DHRSX: variants seen among roughly 807,000 people sequenced by gnomAD.
The protein encoded by DHRSX is dehydrogenase/reductase X-linked.
Under a neutral mutation model 34.0 loss-of-function variants are expected in DHRSX, and 31 were observed. The ratio of observed to expected loss-of-function variants is 0.91; its 90% CI spans 0.69 to 1.23. The LOEUF (loss-of-function observed/expected upper bound fraction) is 1.23. DHRSX is among the 50% of genes most tolerant of loss of function. The pLI is 0.00. For synonymous variants in DHRSX, 201 were observed against 183.8 expected, an observed-to-expected ratio of 1.09 and a Z score of -0.76; for missense variants, 414 against 428.1, an observed-to-expected ratio of 0.97 and a Z score of 0.29.
At chrX:2,254,953 C>A (rs919927097) in intron 5 of DHRSX, among the ~76,000 whole-genome samples, 1 of 145,576 alleles carries the variant, frequency 6.9e-6, no homozygotes, top group African/African-American at 2.6e-5. Context: ...CACGCCCCCC[C>A]CCTTTTTTTT....
chrX:2,236,812 G>A (rs2016026082), intron 6 of DHRSX, among the ~76,000 whole-genome samples: 1 of 151,884 alleles, frequency 6.6e-6, no homozygotes, highest in Admixed American at 6.6e-5. Context: ...TGCTGCAGCG[G>A]AGACTGTAGT....
chrX:2,282,880 A>AGAGG (rs2041744390), intron 4 of DHRSX, among the ~76,000 whole-genome samples: 1 of 131,224 alleles, frequency 7.6e-6, no homozygotes, highest in African/African-American at 3.1e-5. Flanking sequence ...AGGGGGAGAG[A>AGAGG]GGGAGGGAGG....
intron 3 of DHRSX, among the ~76,000 whole-genome samples, chrX:2,338,208 C>T (rs190949398): frequency 4.8e-4 from 73 of 151,804 alleles, no homozygotes; most frequent in African/African-American, 1.5e-3. Context: ...TGGTGCGCGC[C>T]TGTAATCCCA....
chrX:2,353,163 T>A (rs1205877929), intron 3 of DHRSX, among the ~76,000 whole-genome samples: 1 of 152,164 alleles, frequency 6.6e-6, no homozygotes. Context: ...GAAGATTGCT[T>A]GAGCCCGGAG....
intron 5 of DHRSX, among the ~76,000 whole-genome samples, chrX:2,245,985 A>C (rs1602789304): frequency 1.3e-5 from 2 of 148,326 alleles, no homozygotes; most frequent in East Asian, 2.0e-4. Context: ...AAACAAAAAA[A>C]CACACAAACA....
chrX:2,438,919 G>T (rs1052116375), intron 1 of DHRSX, among the ~76,000 whole-genome samples: 1 of 151,988 alleles, frequency 6.6e-6, no homozygotes, highest in Admixed American at 6.6e-5. Flanking sequence ...GGCCGAGGTG[G>T]GTGGATCATG....
At chrX:2,347,211 C>T (rs941606270) in intron 3 of DHRSX, among the ~76,000 whole-genome samples, 7 of 152,128 alleles carry the variant, frequency 4.6e-5, no homozygotes, top group African/African-American at 1.2e-4. Context: ...TGGTGGAAAG[C>T]AAAAGGTGAA....
At chrX:2,497,419 ACTG>A (rs1015363303) in intron 1 of DHRSX, among the ~76,000 whole-genome samples, 2 of 152,130 alleles carry the variant, frequency 1.3e-5, no homozygotes, top group African/African-American at 4.8e-5. Context: ...AAGTTGGAAA[ACTG>A]CTGTTTTTAC....
chrX:2,307,041 C>A (rs1415098832), intron 3 of DHRSX, among the ~76,000 whole-genome samples: 1 of 151,028 alleles, frequency 6.6e-6, no homozygotes, highest in Non-Finnish European at 1.5e-5. Flanking sequence ...TCTTGGGAGG[C>A]ATGAGGGAAT....
chrX:2,268,180 G>A (rs1400932193), intron 4 of DHRSX, among the ~76,000 whole-genome samples: 1 of 152,166 alleles, frequency 6.6e-6, no homozygotes, highest in African/African-American at 2.4e-5. Context: ...ACCCCTGTCA[G>A]GCCAAGCCCG....
intron 3 of DHRSX, among the ~76,000 whole-genome samples, chrX:2,337,403 A>C (rs1386142896): frequency 1.3e-5 from 2 of 152,162 alleles, no homozygotes; most frequent in African/African-American, 4.8e-5. Flanking sequence ...AGTGCAAAAG[A>C]AGCAAGACAG....
chrX:2,235,196 C>G (rs2015984047), intron 6 of DHRSX, among the ~76,000 whole-genome samples: 1 of 152,198 alleles, frequency 6.6e-6, no homozygotes, highest in South Asian at 2.1e-4. Context: ...AACACTGATC[C>G]TGCCATGTTC....
At chrX:2,315,862 A>C (rs1197717956) in intron 3 of DHRSX, among the ~76,000 whole-genome samples, 1 of 151,946 alleles carries the variant, frequency 6.6e-6, no homozygotes, top group Non-Finnish European at 1.5e-5. Flanking sequence ...ATTGAGTCAC[A>C]TTTTCTCTCT....
intron 3 of DHRSX, among the ~76,000 whole-genome samples, chrX:2,293,842 GCCC>G (rs967808754): frequency 6.6e-6 from 1 of 152,008 alleles, no homozygotes; most frequent in African/African-American, 2.4e-5. Flanking sequence ...GTCTGCCTGT[GCCC>G]CCCATGTCTG....
At chrX:2,416,077 C>G (rs2043689659) in intron 2 of DHRSX, among the ~76,000 whole-genome samples, 1 of 151,864 alleles carries the variant, frequency 6.6e-6, no homozygotes, top group African/African-American at 2.4e-5. Flanking sequence ...CATAACCTAA[C>G]TAGATCTCGT....
chrX:2,265,555 A>G (rs1370739952), intron 5 of DHRSX, among the ~76,000 whole-genome samples: 2 of 135,566 alleles, frequency 1.5e-5, no homozygotes, highest in African/African-American at 2.8e-5. Flanking sequence ...CCAGAGCACC[A>G]GTGCTCAGCA....
chrX:2,228,987 C>T (rs73626163), intron 6 of DHRSX, among the ~76,000 whole-genome samples: 4,145 of 152,224 alleles, frequency 0.027, 208 homozygotes, highest in African/African-American at 0.094. Context: ...TGGCATCACC[C>T]GGGATGTCTC....
chrX:2,240,153 C>G (rs1214424988), intron 6 of DHRSX, among the ~76,000 whole-genome samples: 1 of 151,936 alleles, frequency 6.6e-6, no homozygotes, highest in Admixed American at 6.6e-5. Context: ...CTTAGCCAGG[C>G]TTGATGGCAG....
intron 3 of DHRSX, among the ~76,000 whole-genome samples, chrX:2,402,969 G>A (rs1300428948): frequency 5.0e-5 from 7 of 139,378 alleles, no homozygotes; most frequent in African/African-American, 8.2e-5. Context: ...AGCAACCTCC[G>A]CCTCCCAGAT....
Sources: allele counts gnomAD v4.1 joint callset (sites outside exome capture counted in the v4.1 genomes callset), GRCh38; gene constraint gnomAD v4.1.1; transcripts MANE v1.5; gene names NCBI Gene and HGNC (gene_info 2026-07-23, HGNC 2026-07-21).